The following RABGAP1 variants were observed in gnomAD, a reference collection of about 807,000 sequenced individuals.
RABGAP1 encodes the protein rab GTPase-activating protein 1.
In RABGAP1, 23 loss-of-function variants were observed where a neutral mutation model predicts 137.6. That is an observed-to-expected ratio of 0.17 (90% CI 0.12 to 0.24). RABGAP1 has a LOEUF of 0.24. Ranked by LOEUF, RABGAP1 falls within the 10% of genes least tolerant of loss-of-function variation. The pLI, the probability that RABGAP1 is intolerant of heterozygous loss-of-function variation, is 1.00. For missense variants in RABGAP1, 906 were observed against 1,275.8 expected, an observed-to-expected ratio of 0.71 and a Z score of 4.42; for synonymous variants, 451 against 450.7, an observed-to-expected ratio of 1.00 and a Z score of -0.01.
At chr9:123,080,530 G>C (rs2034673647) in intron 19 of RABGAP1, among the ~76,000 whole-genome samples, 1 of 152,142 alleles carries the variant, frequency 6.6e-6, no homozygotes, top group Admixed American at 6.5e-5. Context: ...TTTTAAGAGA[G>C]ATACACACAA....
rs540968919 is a variant in RABGAP1 at position 122,942,134 on chromosome 9, A to G, written c.-50+1041A>G. Among the ~76,000 whole-genome samples, 4 of 152,354 alleles carry G rather than the reference A, an allele frequency of 2.6e-5. No individual in the cohort carries two copies. In the South Asian group the frequency reaches 6.2e-4, roughly 24 times the overall value. ...TGGAGTAGTAAGTACACAATAAGTG[A>G]GTTTCCAGCTGTTTTTGTTTCGGAA... On this transcript the variant is annotated intron_variant, in intron 1 of 25. Coordinates refer to ENST00000373647, the MANE Select transcript of RABGAP1 (RefSeq NM_012197.4).
At chr9:123,088,720 T>C (rs550266799) in intron 19 of RABGAP1, among the ~76,000 whole-genome samples, 18 of 152,170 alleles carry the variant, frequency 1.2e-4, no homozygotes, top group Non-Finnish European at 7.3e-5. Flanking sequence ...CTTGAAGGTA[T>C]GTTGCCCTTG....
At chr9:123,083,240 G>T (rs1340789418) in intron 19 of RABGAP1, among the ~76,000 whole-genome samples, 1 of 152,244 alleles carries the variant, frequency 6.6e-6, no homozygotes, top group Non-Finnish European at 1.5e-5. Context: ...GGAGCCATTT[G>T]TGTGTTATCC....
intron 13 of RABGAP1, among the ~76,000 whole-genome samples, chr9:123,030,786 GTTATGGT>G (rs2032257970): frequency 6.6e-6 from 1 of 152,144 alleles, no homozygotes; most frequent in South Asian, 2.1e-4. Context: ...ATGAGTCTAT[GTTATGGT>G]TAAAGACCAA....
intron 7 of RABGAP1, 192 bp downstream of exon 7, chr9:122,996,343 C>G (rs1837021817): frequency 8.4e-6 from 10 of 1,187,874 alleles, no homozygotes; most frequent in Non-Finnish European, 1.0e-5. Context: ...ACGCTCTCTT[C>G]AACTATGTGG....
chr9:122,976,346 T>C (rs982371799), intron 2 of RABGAP1, among the ~76,000 whole-genome samples: 3 of 152,228 alleles, frequency 2.0e-5, no homozygotes, highest in African/African-American at 7.2e-5. Flanking sequence ...TTTTTTGTCT[T>C]CATATTTGTG....
At chr9:122,977,423 G>A (rs1398085479) in intron 2 of RABGAP1, among the ~76,000 whole-genome samples, 2 of 152,180 alleles carry the variant, frequency 1.3e-5, no homozygotes, top group Admixed American at 1.3e-4. Flanking sequence ...GGATGCAGGA[G>A]GGCTGGGTTC....
intron 2 of RABGAP1, among the ~76,000 whole-genome samples, chr9:122,960,663 A>G (rs1834805589): frequency 6.6e-6 from 1 of 152,226 alleles, no homozygotes; most frequent in Non-Finnish European, 1.5e-5. Flanking sequence ...ATCCCGTTAA[A>G]AAAGCAAGCT....
At chr9:122,989,972 T>C in intron 5 of RABGAP1, 84 bp from the exon 6 acceptor site, 1 of 1,376,404 alleles carries the variant, frequency 7.3e-7, no homozygotes, top group East Asian at 2.4e-5. Context: ...ATTATTGCCC[T>C]CCAAAGTAGG....
intron 1 of RABGAP1, among the ~76,000 whole-genome samples, chr9:122,947,474 T>G (rs1834003921): frequency 6.6e-6 from 1 of 152,214 alleles, no homozygotes; most frequent in Admixed American, 6.5e-5. Flanking sequence ...AAGATGGTAA[T>G]GTTTGTGTTA....
chr9:122,991,162 C>T (rs1179163444), intron 6 of RABGAP1, among the ~76,000 whole-genome samples: 2 of 151,854 alleles, frequency 1.3e-5, no homozygotes, highest in African/African-American at 2.4e-5. Context: ...TCCCCATTTC[C>T]AAGTTTCTTT....
intron 6 of RABGAP1, 139 bp from the exon 7 acceptor site, chr9:122,995,902 T>C: frequency 1.4e-6 from 2 of 1,401,032 alleles, no homozygotes; most frequent in Non-Finnish European, 1.9e-6. Flanking sequence ...AGGCATAGAA[T>C]GATTTTTTTC....
intron 2 of RABGAP1, among the ~76,000 whole-genome samples, chr9:122,961,172 T>A (rs1834832981): frequency 6.6e-6 from 1 of 152,072 alleles, no homozygotes; most frequent in South Asian, 2.1e-4. Flanking sequence ...ATCCAGGAAG[T>A]TCAATGAACT....
At chr9:122,966,993 T>C (rs577350240) in intron 2 of RABGAP1, among the ~76,000 whole-genome samples, 1 of 152,260 alleles carries the variant, frequency 6.6e-6, no homozygotes, top group Middle Eastern at 3.4e-3. Context: ...CCCTCCAGGT[T>C]CCTCCCACAA....
rs1486182573 is a variant in RABGAP1, at chr9:123,098,781, A to G, written c.2800A>G (p.Ile934Val). 8 of 1,613,496 alleles carry G rather than the reference A, an allele frequency of 5.0e-6. No individual in the cohort carries two copies. The highest frequency in any genetic ancestry group is 1.1e-5 in the South Asian group (1 of 91,046). Residue 934 changes from isoleucine (I) to valine (V), a missense_variant, in exon 23 of 26, where the codon ATT becomes GTT. Ile to Val is a conservative substitution (Grantham distance 29). This residue lies in a region of RABGAP1 where 193 missense variants were observed against 248.1 expected (regional missense o/e 0.78). Transcript: ENST00000373647. ...TGAGATTAAAAAAAACAGTTCTATC[A>G]TTGGTGACTATAAGCAGGTAGGTTC... The part of the protein sequence containing the change: ...ESEIKKNSSI[I>V]GDYKQICSQL...
chr9:123,062,262 A>C (rs2034005843), intron 13 of RABGAP1: 1 of 152,196 alleles, frequency 6.6e-6, no homozygotes, highest in Non-Finnish European at 1.5e-5. Flanking sequence ...GAGCGAAACA[A>C]GAAAGAAAAG....
At chr9:123,032,156 G>T (rs529621767) in intron 13 of RABGAP1, among the ~76,000 whole-genome samples, 2 of 152,310 alleles carry the variant, frequency 1.3e-5, no homozygotes, top group East Asian at 1.9e-4. Flanking sequence ...CTTAAGGAAG[G>T]CTACTTTAGT....
chr9:123,031,181 G>A (rs1257562321), intron 13 of RABGAP1, among the ~76,000 whole-genome samples: 1 of 152,126 alleles, frequency 6.6e-6, no homozygotes, highest in African/African-American at 2.4e-5. Context: ...ACCACAGAGA[G>A]AATAAGTTTC....
intron 19 of RABGAP1, among the ~76,000 whole-genome samples, chr9:123,078,706 A>G (rs2132168601): frequency 6.6e-6 from 1 of 152,124 alleles, no homozygotes; most frequent in African/African-American, 2.4e-5. Flanking sequence ...CCCCATCTCA[A>G]TTAGGGGTAC....
Sources: gnomAD v4.1 joint callset for allele counts (sites outside exome capture counted in the v4.1 genomes callset) on GRCh38, gnomAD v4.1.1 for gene constraint, gnomAD v4.1.1 regional missense constraint, MANE v1.5 for transcripts, NCBI Gene and HGNC (gene_info 2026-07-23, HGNC 2026-07-21) for gene names.